Variants in CTNNA2 observed in about 807,000 individuals in gnomAD.
CTNNA2 encodes the protein catenin alpha-2.
In CTNNA2, 42 loss-of-function variants were observed where a neutral mutation model predicts 101.0. That is an observed-to-expected ratio of 0.42 (90% CI 0.32 to 0.54). The LOEUF (loss-of-function observed/expected upper bound fraction) is 0.54. Among genes scored for constraint, CTNNA2 ranks in the 20% least tolerant of loss-of-function variants. The pLI, the probability that CTNNA2 is intolerant of heterozygous loss-of-function variation, is 0.14. For missense variants in CTNNA2, 871 were observed against 1,223.1 expected (o/e 0.71, Z 4.29); for synonymous variants, 450 against 456.4 (o/e 0.99, Z 0.18).
intron 12 of CTNNA2, among the ~76,000 whole-genome samples, chr2:80,566,695 C>G (rs1694091618): frequency 6.6e-6 from 1 of 152,002 alleles, no homozygotes; most frequent in Non-Finnish European, 1.5e-5. Context: ...GAAGGAAGGG[C>G]CTAGATTCAT....
At chr2:80,049,066 T>C (rs1558760473) in intron 7 of CTNNA2, among the ~76,000 whole-genome samples, 1 of 152,212 alleles carries the variant, frequency 6.6e-6, no homozygotes, top group Non-Finnish European at 1.5e-5. Flanking sequence ...CAAGATCTAA[T>C]CTGTAATTTA....
At chr2:79,468,000 A>C (rs554382633) in intron 4 of CTNNA2, among the ~76,000 whole-genome samples, 2 of 152,310 alleles carry the variant, frequency 1.3e-5, no homozygotes, top group East Asian at 3.9e-4. Flanking sequence ...CTAACATCAT[A>C]ATGACAGGAT....
intron 3 of CTNNA2, among the ~76,000 whole-genome samples, chr2:79,323,664 T>G (rs1676676816): frequency 6.6e-6 from 1 of 152,206 alleles, no homozygotes; most frequent in South Asian, 2.1e-4. Context: ...TTCAATTGAA[T>G]CTGTTGGTTC....
chr2:79,249,458 C>G (rs1330949982), intron 2 of CTNNA2, among the ~76,000 whole-genome samples: 1 of 152,194 alleles, frequency 6.6e-6, no homozygotes, highest in Admixed American at 6.5e-5. Flanking sequence ...ACTCTAATGA[C>G]TGAGTCTTAT....
chr2:80,110,673 C>T (rs1255153172), intron 7 of CTNNA2, among the ~76,000 whole-genome samples: 3 of 152,142 alleles, frequency 2.0e-5, no homozygotes, highest in African/African-American at 7.2e-5. Flanking sequence ...TACTTGGAGC[C>T]TCAGCATCAG....
At chr2:79,537,814 A>G (rs1673164631) in intron 1 of CTNNA2, among the ~76,000 whole-genome samples, 5 of 150,534 alleles carry the variant, frequency 3.3e-5, no homozygotes, top group Admixed American at 3.3e-4. Flanking sequence ...TTTTTTCAAG[A>G]GAAAGTTATG....
chr2:79,821,272 G>T (rs1677980018), intron 3 of CTNNA2, among the ~76,000 whole-genome samples: 1 of 152,068 alleles, frequency 6.6e-6, no homozygotes, highest in African/African-American at 2.4e-5. Context: ...GTAGTGGTGT[G>T]ATCATAGCTC....
chr2:80,093,827 C>T (rs185420073), intron 7 of CTNNA2, among the ~76,000 whole-genome samples: 6,425 of 152,092 alleles, frequency 0.042, 453 homozygotes, highest in African/African-American at 0.15. Flanking sequence ...CTGTTGATAT[C>T]CTTCACCCAC....
intron 6 of CTNNA2, among the ~76,000 whole-genome samples, chr2:79,898,157 G>A (rs900093076): frequency 1.3e-5 from 2 of 151,490 alleles, no homozygotes; most frequent in Non-Finnish European, 1.5e-5. Flanking sequence ...TTTTTGAGAT[G>A]GAGTCTCACT....
intron 7 of CTNNA2, among the ~76,000 whole-genome samples, chr2:80,191,931 G>A (rs1267305629): frequency 1.3e-5 from 2 of 152,120 alleles, no homozygotes; most frequent in Admixed American, 1.3e-4. Flanking sequence ...TAAGACATAA[G>A]GAAATCCTGA....
chr2:79,324,394 G>C (rs1490853493), intron 3 of CTNNA2, among the ~76,000 whole-genome samples: 1 of 152,126 alleles, frequency 6.6e-6, no homozygotes, highest in Non-Finnish European at 1.5e-5. Flanking sequence ...GGGCATGGGG[G>C]CTGAGGCATA....
chr2:79,680,024 G>T (rs1683451564), intron 2 of CTNNA2, among the ~76,000 whole-genome samples: 1 of 151,964 alleles, frequency 6.6e-6, no homozygotes, highest in African/African-American at 2.4e-5. Flanking sequence ...CGGGAAAGGG[G>T]GATGAGCAGC....
intron 2 of CTNNA2, among the ~76,000 whole-genome samples, chr2:79,220,773 T>C (rs1292309981): frequency 6.6e-6 from 1 of 152,212 alleles, no homozygotes; most frequent in Non-Finnish European, 1.5e-5. Context: ...AGCATGACCT[T>C]AGCCAAATTT....
At chr2:79,472,205 C>A (rs942210178) in intron 4 of CTNNA2, among the ~76,000 whole-genome samples, 8 of 152,182 alleles carry the variant, frequency 5.3e-5, no homozygotes. Flanking sequence ...TGATAAATCT[C>A]AAGTAAGTCC....
intron 15 of CTNNA2, chr2:80,602,008 G>A (rs533975327): frequency 1.1e-4 from 17 of 152,112 alleles, no homozygotes; most frequent in African/African-American, 3.6e-4. Context: ...GTGCGTAGCA[G>A]TGTCATTTGG....
At chr2:79,659,978 A>T (rs2104521195) in intron 2 of CTNNA2, among the ~76,000 whole-genome samples, 1 of 152,328 alleles carries the variant, frequency 6.6e-6, no homozygotes, top group African/African-American at 2.4e-5. Context: ...GAGCAACAGC[A>T]TGAGATCCCA....
intron 1 of CTNNA2, chr2:79,195,934 T>C: frequency 2.3e-6 from 1 of 437,222 alleles, no homozygotes. Flanking sequence ...ATGAACTCAG[T>C]TTTTTGTTTG....
At position 79,725,948 on chromosome 2, in the gene CTNNA2, C is replaced by G. The variant is rs77101180; in HGVS notation, c.103-18439C>G. Among the ~76,000 whole-genome samples the G allele has an allele frequency of 9.9e-3, 1,508 of 152,296 alleles. 62 individuals are homozygous for G. In the East Asian group the frequency reaches 0.12, roughly 12 times the overall value. ...TGAATCCGGCTGTCTGGGCATTTGT[C>G]CCTCTGCCAGGTGACCTTAGGTCTG... On this transcript the variant is annotated intron_variant, in intron 2 of 18. Transcript: ENST00000402739.
chr2:80,310,907 A>T (rs1677505015), intron 7 of CTNNA2, among the ~76,000 whole-genome samples: 2 of 147,826 alleles, frequency 1.4e-5, no homozygotes, highest in African/African-American at 2.5e-5. Context: ...CGGGAGGCGG[A>T]TGTTGCAGTG....
Sources: gnomAD v4.1 joint callset for allele counts (sites outside exome capture counted in the v4.1 genomes callset) on GRCh38, gnomAD v4.1.1 for gene constraint, MANE v1.5 for transcripts, NCBI Gene and HGNC (gene_info 2026-07-23, HGNC 2026-07-21) for gene names.